Variants in STPG4 observed in about 807,000 individuals in gnomAD.
STPG4 encodes sperm-tail PG-rich repeat containing 4.
STPG4 carries 41 observed loss-of-function variants against 31.5 expected under a neutral mutation model. That is an observed-to-expected ratio of 1.30 (90% CI 1.01 to 1.69). The LOEUF (loss-of-function observed/expected upper bound fraction) is 1.69. STPG4 is among the 40% of genes most tolerant of loss of function. The pLI is 0.00. For missense variants in STPG4, 375 were observed against 293.4 expected (o/e 1.28, Z -2.03); for synonymous variants, 141 against 103.0 (o/e 1.37, Z -2.24).
At position 47,144,052 on chromosome 2, in the gene STPG4, C is replaced by G. The variant is rs147122943; in HGVS notation, c.399+7206G>C. On this transcript the variant is annotated intron_variant, in intron 3 of 6. Coordinates refer to ENST00000445927, the MANE Select transcript of STPG4 (RefSeq NM_001163561.2). ...TGTAGATAGATTCTGGAACCATGTT[C>G]TGACTGGCACAGTTTAAACTGACTT... Among the ~76,000 whole-genome samples, 663 of 152,328 alleles carry G rather than the reference C, an allele frequency of 4.4e-3. 5 individuals are homozygous for G. The highest frequency in any genetic ancestry group is 0.015 in the African/African-American group (622 of 41,568).
chr2:47,087,364 C>T (rs909743894), intron 6 of STPG4, among the ~76,000 whole-genome samples: 1 of 152,248 alleles, frequency 6.6e-6, no homozygotes, highest in Admixed American at 6.5e-5. Context: ...ACAGGCCAGG[C>T]CAAGCCAGGG....
At chr2:47,150,104 T>A (rs556259217) in intron 3 of STPG4, among the ~76,000 whole-genome samples, 2 of 152,232 alleles carry the variant, frequency 1.3e-5, no homozygotes, top group African/African-American at 2.4e-5. Context: ...AAAATGGAGT[T>A]AATATCTGTT....
intron 3 of STPG4, among the ~76,000 whole-genome samples, chr2:47,147,657 G>C (rs1322278584): frequency 2.6e-5 from 4 of 152,082 alleles, no homozygotes; most frequent in Non-Finnish European, 5.9e-5. Context: ...TATGATATGA[G>C]TAGTGAAAAG....
chr2:47,090,394 T>C lies in STPG4; in HGVS notation c.520-20A>G. On this transcript the variant is annotated intron_variant, in intron 5 of 6. Coordinates refer to ENST00000445927, the MANE Select transcript of STPG4 (RefSeq NM_001163561.2). The stretch of plus-strand genomic sequence containing the variant: ...TTCATGCTATTGAACATTTAAAAAA[T>C]TGCTTCATTATTATTGTACATTTGA... 6.8e-7 allele frequency: 1 copy of C among 1,471,332 alleles called. No homozygotes were observed. The allele number at this position is 1,471,332 out of a possible 1,614,324, so 91.1% of individuals were successfully genotyped here.
intron 6 of STPG4, among the ~76,000 whole-genome samples, chr2:47,089,781 T>A (rs1405450799): frequency 6.6e-6 from 1 of 152,186 alleles, no homozygotes; most frequent in Non-Finnish European, 1.5e-5. Flanking sequence ...TCCATGGACT[T>A]GAGCCTCTTC....
At chr2:47,143,342 T>A (rs2103797528) in intron 3 of STPG4, among the ~76,000 whole-genome samples, 1 of 152,342 alleles carries the variant, frequency 6.6e-6, no homozygotes, top group Non-Finnish European at 1.5e-5. Context: ...CAATGTACAG[T>A]ACTTATATAG....
At chr2:47,141,855 C>T (rs918452648) in intron 3 of STPG4, among the ~76,000 whole-genome samples, 23 of 150,142 alleles carry the variant, frequency 1.5e-4, no homozygotes, top group African/African-American at 4.9e-4. Context: ...TTAGTGAACA[C>T]ACTGAACACC....
At chr2:47,147,767 T>C (rs1686853114) in intron 3 of STPG4, among the ~76,000 whole-genome samples, 1 of 152,118 alleles carries the variant, frequency 6.6e-6, no homozygotes, top group African/African-American at 2.4e-5. Context: ...GGTCATAAAA[T>C]TGTACATATG....
Position 47,151,441 on chromosome 2 carries a change from G to C in STPG4, c.216C>G (p.Thr72=). ...TCCTTCCTTCGTTTTTAAAATTGTA[G>C]GTTGCTATCACTGGATTTAATAGGG... ...EESLLNPVIA[T]YNFKNEGRKK... The change falls in exon 3 of 7, where the codon ACC becomes ACG. Residue 72 remains threonine, a synonymous_variant. Transcript: ENST00000445927. 1 of 1,614,026 alleles carries C rather than the reference G, an allele frequency of 6.2e-7. No individual in the cohort carries two copies. The highest frequency in any genetic ancestry group is 8.5e-7 in the Non-Finnish European group (1 of 1,179,926).
intron 3 of STPG4, among the ~76,000 whole-genome samples, chr2:47,146,876 C>A (rs985067873): frequency 3.3e-5 from 5 of 151,844 alleles, no homozygotes; most frequent in Non-Finnish European, 7.4e-5. Context: ...GTGACTCATG[C>A]CTGTAATCTC....
chr2:47,090,292 G>T lies in STPG4; in HGVS notation c.602C>A (p.Pro201His). 1 of 1,551,546 alleles carries T rather than the reference G, an allele frequency of 6.4e-7. No individual in the cohort carries two copies. Among genetic ancestry groups the T allele is most frequent in the Non-Finnish European group, 8.7e-7 (1 of 1,146,784 alleles). The part of the protein sequence containing the change: ...SVTSCFQSRV[P>H]RFLPSCSKTP... ...TACTGAACAGCTGGGCAAGAATCGA[G>T]GGACTCTGGATTGAAAACAAGAAGT... The change falls in exon 6 of 7, where the codon CCT becomes CAT. Residue 201 changes from proline (P) to histidine (H), a missense_variant. Coordinates refer to ENST00000445927, the MANE Select transcript of STPG4 (RefSeq NM_001163561.2).
At chr2:47,144,612 A>T (rs912782600) in intron 3 of STPG4, among the ~76,000 whole-genome samples, 2 of 152,324 alleles carry the variant, frequency 1.3e-5, no homozygotes, top group African/African-American at 4.8e-5. Context: ...TTCTAAAAAG[A>T]AGAAATTCTG....
intron 3 of STPG4, among the ~76,000 whole-genome samples, chr2:47,138,340 T>C (rs1197828975): frequency 1.3e-5 from 2 of 152,192 alleles, no homozygotes; most frequent in Non-Finnish European, 2.9e-5. Flanking sequence ...TTTAATTCCA[T>C]TGTGGTCTGA....
At chr2:47,095,429 G>C (rs534999167) in intron 5 of STPG4, among the ~76,000 whole-genome samples, 1 of 152,156 alleles carries the variant, frequency 6.6e-6, no homozygotes, top group Non-Finnish European at 1.5e-5. Flanking sequence ...CTGCGAATGA[G>C]GCATGAACAG....
intron 3 of STPG4, among the ~76,000 whole-genome samples, chr2:47,149,871 C>A (rs1470862039): frequency 6.6e-6 from 1 of 152,192 alleles, no homozygotes; most frequent in Non-Finnish European, 1.5e-5. Context: ...CACTTCCATG[C>A]CTTCAACAAT....
chr2:47,122,753 T>A (rs1686296914), intron 5 of STPG4, among the ~76,000 whole-genome samples: 2 of 152,158 alleles, frequency 1.3e-5, no homozygotes, highest in Non-Finnish European at 2.9e-5. Flanking sequence ...ACAAATAAAT[T>A]ATAGTGCATC....
chr2:47,150,191 T>C (rs961372434), intron 3 of STPG4, among the ~76,000 whole-genome samples: 3 of 152,230 alleles, frequency 2.0e-5, no homozygotes, highest in Admixed American at 1.3e-4. Context: ...AAGAGCCACA[T>C]AAAAGACATG....
chr2:47,120,571 A>C (rs1017936314), intron 5 of STPG4, among the ~76,000 whole-genome samples: 1 of 152,112 alleles, frequency 6.6e-6, no homozygotes, highest in Non-Finnish European at 1.5e-5. Context: ...CGTCTCAAAA[A>C]AAAAAAAGAA....
At chr2:47,098,113 A>G (rs1463421025) in intron 5 of STPG4, among the ~76,000 whole-genome samples, 1 of 152,228 alleles carries the variant, frequency 6.6e-6, no homozygotes, top group Non-Finnish European at 1.5e-5. Flanking sequence ...AGTTTCTGCA[A>G]GCCTTCATTC....
Sources: gnomAD v4.1 joint callset for allele counts (sites outside exome capture counted in the v4.1 genomes callset) on GRCh38, gnomAD v4.1.1 for gene constraint, MANE v1.5 for transcripts, NCBI Gene and HGNC (gene_info 2026-07-23, HGNC 2026-07-21) for gene names.